Variants in CACNA1I observed in about 807,000 individuals in gnomAD.
CACNA1I encodes the protein voltage-dependent T-type calcium channel subunit alpha-1I.
CACNA1I carries 74 observed loss-of-function variants against 201.6 expected under a neutral mutation model. That is an observed-to-expected ratio of 0.37 (90% CI 0.30 to 0.45). The LOEUF (loss-of-function observed/expected upper bound fraction) is 0.45, where lower values mean the gene tolerates loss of function less well. Among genes scored for constraint, CACNA1I ranks in the 20% least tolerant of loss-of-function variants. The probability of loss-of-function intolerance (pLI) is 1.00; values close to 1 mark genes in which losing one functional copy is unlikely to be tolerated. For synonymous variants in CACNA1I, 1,431 were observed against 1,345.2 expected (o/e 1.06, Z -1.40); for missense variants, 2,346 against 3,138.1 (o/e 0.75, Z 6.03).
chr22:39,678,822 C>T lies in CACNA1I; in HGVS notation c.5056-285C>T, dbSNP rs1935592751. Among the ~76,000 whole-genome samples, 4 of 152,214 alleles carry T rather than the reference C, an allele frequency of 2.6e-5. No individual in the cohort carries two copies. In the South Asian group the frequency reaches 8.3e-4, roughly 32 times the overall value. ...GAAGCCCCAGATGCCCCTTCTCAGGCCTGACTGTCCCGGGGAAGCAGGCCA... is the reference window on the plus strand; with the variant it reads ...GAAGCCCCAGATGCCCCTTCTCAGGTCTGACTGTCCCGGGGAAGCAGGCCA... On this transcript the variant is annotated intron_variant, in intron 31 of 36. Transcript: ENST00000402142.
chr22:39,670,605 C>T (rs1229965900), intron 25 of CACNA1I, among the ~76,000 whole-genome samples, 198 bp from the exon 26 acceptor site: 1 of 152,154 alleles, frequency 6.6e-6, no homozygotes, highest in Admixed American at 6.5e-5. Flanking sequence ...CCTTCTTTGT[C>T]ACCCTTCTCC....
At position 39,646,795 on chromosome 22, in the gene CACNA1I, C is replaced by T. The variant is rs1406751524; in HGVS notation, c.1376C>T (p.Ala459Val). 6 of 1,561,212 alleles carry T rather than the reference C, an allele frequency of 3.8e-6. No homozygotes were observed. Among genetic ancestry groups the T allele is most frequent in the South Asian group, 2.3e-5 (2 of 85,130 alleles). Residue 459 changes from alanine (A) to valine (V), a missense_variant, in exon 8 of 37, where the codon GCC becomes GTC. By Grantham distance (64) the Ala-to-Val change is moderately conservative (BLOSUM62 0). Coordinates refer to ENST00000402142, the MANE Select transcript of CACNA1I (RefSeq NM_021096.4). ...CGCCGCGCCCTGGGCCTCTACCAGGCCCTGCAGAGCCGGCGCCAGGCCCTG... is the reference window on the plus strand; with the variant it reads ...CGCCGCGCCCTGGGCCTCTACCAGGTCCTGCAGAGCCGGCGCCAGGCCCTG... ...AKRRALGLYQ[A>V]LQSRRQALGP...
intron 5 of CACNA1I, among the ~76,000 whole-genome samples, chr22:39,637,420 C>T (rs1321265467): frequency 6.6e-6 from 1 of 152,090 alleles, no homozygotes; most frequent in Non-Finnish European, 1.5e-5. Context: ...TACTCTTGAT[C>T]GAGGCAACCC....
At chr22:39,615,833 G>A (rs1933517862) in intron 3 of CACNA1I, among the ~76,000 whole-genome samples, 1 of 152,172 alleles carries the variant, frequency 6.6e-6, no homozygotes, top group African/African-American at 2.4e-5. Context: ...TAGGACCCAG[G>A]AGAAACATTT....
intron 24 of CACNA1I, among the ~76,000 whole-genome samples, chr22:39,669,349 CTCCTCACCCCCACCAGTGCATGCATG>C (rs1212423132): frequency 6.6e-6 from 1 of 152,236 alleles, no homozygotes; most frequent in Non-Finnish European, 1.5e-5. Flanking sequence ...TCTGCTCTGT[CTCCTCACCCCCACCAGTGCATGCATG>C]CACATGCGTA....
At position 39,575,669 on chromosome 22, in the gene CACNA1I, C is replaced by T. The variant is rs117223599; in HGVS notation, c.236+4681C>T. ...TGCAGACATTGCTAATCGAGCCTGC[C>T]GGCATTCTCCAGCAGGGCACCTCTG... On this transcript the variant is annotated intron_variant, in intron 1 of 36. Coordinates refer to ENST00000402142, the MANE Select transcript of CACNA1I (RefSeq NM_021096.4). Among the ~76,000 whole-genome samples, 394 of 152,230 alleles carry T rather than the reference C, an allele frequency of 2.6e-3. 9 individuals are homozygous for T. In the East Asian group the frequency reaches 0.055, roughly 21 times the overall value.
At position 39,662,411 on chromosome 22, in the gene CACNA1I, G is replaced by T; in HGVS notation, c.3348G>T (p.Gly1116=). ...FTKMGDRGDR[G]EDEEEIDYTL... ...AGATGGGCGACCGCGGGGATCGCGG[G>T]GAGGATGAGGAGGAAATCGACTACG... The change falls in exon 17 of 37, where the codon GGG becomes GGT. Residue 1116 remains glycine, a synonymous_variant. Coordinates refer to ENST00000402142, the MANE Select transcript of CACNA1I (RefSeq NM_021096.4). 6.9e-7 allele frequency: 1 copy of T among 1,453,802 alleles called. No homozygotes were observed. Among genetic ancestry groups the T allele is most frequent in the South Asian group, 1.4e-5 (1 of 70,202 alleles). 90.1% of individuals were successfully genotyped at this position (1,453,802 alleles called of 1,614,324 possible).
At chr22:39,624,737 C>G (rs1933851457) in intron 4 of CACNA1I, among the ~76,000 whole-genome samples, 1 of 152,178 alleles carries the variant, frequency 6.6e-6, no homozygotes, top group Non-Finnish European at 1.5e-5. Flanking sequence ...CCAGAGCCAC[C>G]AGGGGATTAG....
intron 10 of CACNA1I, among the ~76,000 whole-genome samples, chr22:39,655,941 C>T (rs1302971008): frequency 6.6e-6 from 1 of 152,182 alleles, no homozygotes; most frequent in Non-Finnish European, 1.5e-5. Context: ...GCGGCTGGAG[C>T]CAGCTGATCA....
chr22:39,587,770 G>T (rs529171706), intron 1 of CACNA1I: 15 of 441,882 alleles, frequency 3.4e-5, no homozygotes, highest in East Asian at 7.3e-5. Context: ...TATTTTATTT[G>T]ATTTATAATT....
At chr22:39,667,977 G>C (rs1407380666) in intron 23 of CACNA1I, among the ~76,000 whole-genome samples, 1 of 152,208 alleles carries the variant, frequency 6.6e-6, no homozygotes, top group Non-Finnish European at 1.5e-5. Flanking sequence ...CATTCTGTGG[G>C]TGAGGGGACA....
intron 3 of CACNA1I, among the ~76,000 whole-genome samples, chr22:39,617,546 G>T (rs1933579393): frequency 6.6e-6 from 1 of 152,174 alleles, no homozygotes; most frequent in South Asian, 2.1e-4. Context: ...GCAGTCCTGG[G>T]CCCCGCGGGT....
At chr22:39,663,603 G>A (rs1375417057) in intron 18 of CACNA1I, 115 bp from the exon 19 acceptor site, 2 of 1,241,186 alleles carry the variant, frequency 1.6e-6, no homozygotes, top group African/African-American at 1.5e-5. Context: ...GGAGAGGATA[G>A]GGGTTGCTTC....
At chr22:39,631,515 C>T (rs561930763) in intron 4 of CACNA1I, among the ~76,000 whole-genome samples, 2 of 152,312 alleles carry the variant, frequency 1.3e-5, no homozygotes, top group East Asian at 3.9e-4. Flanking sequence ...AGGAGGGCTT[C>T]GTGACTAACT....
At chr22:39,637,248 C>A (rs999960125) in intron 5 of CACNA1I, among the ~76,000 whole-genome samples, 1 of 152,144 alleles carries the variant, frequency 6.6e-6, no homozygotes, top group Non-Finnish European at 1.5e-5. Flanking sequence ...AAGCCCAGAG[C>A]GGGTACAAGA....
chr22:39,571,096 T>TCCCA, intron 1 of CACNA1I, 108 bp downstream of exon 1: 3 of 968,808 alleles, frequency 3.1e-6, no homozygotes, highest in Non-Finnish European at 4.9e-6. Flanking sequence ...ACCTGAGGTC[T>TCCCA]GCGGTGAGGC....
Position 39,658,038 on chromosome 22 carries a change from A to G in CACNA1I, c.1993-114A>G, listed in dbSNP as rs116173016. ...CATGGGGCAGTGGGGAGACGGAGGT[A>G]TGGTGAGGACACCGACCTGCCAGGG... On this transcript the variant is annotated intron_variant, in intron 10 of 36. Transcript: ENST00000402142. 2.8e-3 allele frequency: 2,934 copies of G among 1,041,090 alleles called. 53 individuals are homozygous for G. In the African/African-American group the frequency reaches 0.041, roughly 14 times the overall value. 64.5% of individuals were successfully genotyped at this position (1,041,090 alleles called of 1,614,324 possible).
At chr22:39,620,274 T>C (rs917374250) in intron 4 of CACNA1I, among the ~76,000 whole-genome samples, 3 of 47,540 alleles carry the variant, frequency 6.3e-5, no homozygotes, top group Non-Finnish European at 1.3e-4. Flanking sequence ...CATCCATCCA[T>C]CCATACGTAC....
chr22:39,655,421 C>T (rs931995013), intron 10 of CACNA1I, among the ~76,000 whole-genome samples: 4 of 152,128 alleles, frequency 2.6e-5, no homozygotes, highest in African/African-American at 9.7e-5. Context: ...TGTTTTCAGC[C>T]CTTCAGCATG....
Sources: allele counts gnomAD v4.1 joint callset (sites outside exome capture counted in the v4.1 genomes callset), GRCh38; gene constraint gnomAD v4.1.1; transcripts MANE v1.5; gene names NCBI Gene and HGNC (gene_info 2026-07-23, HGNC 2026-07-21).